The following SEMA4D variants were observed in gnomAD, a reference collection of about 807,000 sequenced individuals.
SEMA4D encodes the protein semaphorin-4D.
Under a neutral mutation model 74.8 loss-of-function variants are expected in SEMA4D, and 22 were observed. That is an observed-to-expected ratio of 0.29 (90% CI 0.21 to 0.42). The LOEUF is 0.42. SEMA4D is among the 10% of genes least tolerant of loss of function. SEMA4D has a pLI of 1.00. For missense variants in SEMA4D, 937 were observed against 1,118.4 expected (o/e 0.84, Z 2.31); for synonymous variants, 445 against 463.7 (o/e 0.96, Z 0.52).
intron 1 of SEMA4D, among the ~76,000 whole-genome samples, chr9:89,494,658 T>C (rs1223618312): frequency 6.6e-6 from 1 of 152,166 alleles, no homozygotes; most frequent in Non-Finnish European, 1.5e-5. Flanking sequence ...CCGATTATTA[T>C]TAACTTTTCA....
At chr9:89,370,159 G>A (rs997746595) in intron 16 of SEMA4D, among the ~76,000 whole-genome samples, 2 of 151,352 alleles carry the variant, frequency 1.3e-5, no homozygotes, top group Non-Finnish European at 1.5e-5. Flanking sequence ...CAGTGAGTAT[G>A]CATGGTCTGT....
intron 2 of SEMA4D, among the ~76,000 whole-genome samples, chr9:89,446,720 G>C (rs555171210): frequency 6.6e-6 from 1 of 152,310 alleles, no homozygotes; most frequent in Admixed American, 6.5e-5. Context: ...TCTAAAACAA[G>C]GCAGCAGCAG....
At chr9:89,447,958 T>C (rs1418920536) in intron 2 of SEMA4D, among the ~76,000 whole-genome samples, 2 of 152,232 alleles carry the variant, frequency 1.3e-5, no homozygotes, top group East Asian at 3.8e-4. Context: ...CATCTCCTTC[T>C]CTGCTTTATG....
intron 2 of SEMA4D, among the ~76,000 whole-genome samples, chr9:89,432,754 G>A (rs1411485613): frequency 6.6e-6 from 1 of 152,144 alleles, no homozygotes; most frequent in African/African-American, 2.4e-5. Context: ...AGGATGTGGA[G>A]AAGCTGGAAC....
At chr9:89,391,589 G>A (rs1376371158) in intron 8 of SEMA4D, among the ~76,000 whole-genome samples, 174 bp from the exon 9 acceptor site, 1 of 152,146 alleles carries the variant, frequency 6.6e-6, no homozygotes, top group South Asian at 2.1e-4. Flanking sequence ...TGAGGATGAT[G>A]ACAGCCCTGA....
chr9:89,461,996 T>C (rs543866890), intron 1 of SEMA4D, among the ~76,000 whole-genome samples: 5 of 152,316 alleles, frequency 3.3e-5, no homozygotes, highest in African/African-American at 1.2e-4. Flanking sequence ...ACACTGTGCC[T>C]GGCCTGATGT....
chr9:89,435,085 C>T (rs1850107572), intron 2 of SEMA4D, among the ~76,000 whole-genome samples: 1 of 152,172 alleles, frequency 6.6e-6, no homozygotes, highest in Admixed American at 6.5e-5. Context: ...CAGAGTCTAC[C>T]TGGGCATGGG....
In SEMA4D at chr9:89,428,463, C is replaced by T. The variant is rs1848564088; in HGVS notation, c.-243-22764G>A. ...GCGGCAGCAGAGGGGAGGCACACAT[C>T]CTCCATTGCAGCCAGCGTGGATCTC... is the stretch of plus-strand genomic sequence containing the variant. On this transcript the variant is annotated intron_variant, in intron 2 of 15. Coordinates refer to ENST00000422704, the MANE Select transcript of SEMA4D (RefSeq NM_001371194.2). Among the ~76,000 whole-genome samples, 4 of 152,264 alleles carry T rather than the reference C, an allele frequency of 2.6e-5. No homozygotes were observed. The South Asian group carries it at 8.3e-4, about 31-fold the overall frequency.
chr9:89,375,948 C>G (rs566903877), downstream of SEMA4D, among the ~76,000 whole-genome samples: 7 of 152,278 alleles, frequency 4.6e-5, no homozygotes, highest in African/African-American at 1.7e-4. Flanking sequence ...ACTGTAACCT[C>G]AAACTCCTGG....
At chr9:89,383,952 T>C (rs1383713759) in intron 13 of SEMA4D, among the ~76,000 whole-genome samples, 1 of 152,034 alleles carries the variant, frequency 6.6e-6, no homozygotes, top group Admixed American at 6.6e-5. Flanking sequence ...TCTGCTGCTG[T>C]GTGTGCGCGT....
chr9:89,425,154 C>A (rs776082313), intron 2 of SEMA4D, among the ~76,000 whole-genome samples: 2 of 152,164 alleles, frequency 1.3e-5, no homozygotes, highest in African/African-American at 4.8e-5. Flanking sequence ...CAGCCAGGAC[C>A]GAGAACTGGC....
At chr9:89,369,067 G>C (rs1022990274) in intron 16 of SEMA4D, 1 of 152,284 alleles carries the variant, frequency 6.6e-6, no homozygotes, top group African/African-American at 2.4e-5. Flanking sequence ...CAGAGCACAG[G>C]GAGTTGATAG....
At chr9:89,473,978 C>T (rs2136028053) in intron 1 of SEMA4D, among the ~76,000 whole-genome samples, 1 of 152,340 alleles carries the variant, frequency 6.6e-6, no homozygotes, top group Middle Eastern at 3.4e-3. Flanking sequence ...TTTCTCAGGT[C>T]CTCCCCAGGC....
chr9:89,442,996 G>C (rs1444165146), intron 2 of SEMA4D, among the ~76,000 whole-genome samples: 1 of 152,180 alleles, frequency 6.6e-6, no homozygotes. Flanking sequence ...TGCCCACCAG[G>C]ACCGTGCTCA....
chr9:89,413,027 G>A (rs756720019), intron 2 of SEMA4D, among the ~76,000 whole-genome samples: 5 of 152,158 alleles, frequency 3.3e-5, no homozygotes, highest in African/African-American at 1.2e-4. Context: ...GGAGAAAAAG[G>A]CCATTTTGCT....
At chr9:89,385,001 GCGGGT>G (rs1025126274) in intron 13 of SEMA4D, 1 of 985,292 alleles carries the variant, frequency 1.0e-6, no homozygotes, top group African/African-American at 1.7e-5. Flanking sequence ...ACAGAGACAG[GCGGGT>G]CGGGTGGTCC....
intron 3 of SEMA4D, 108 bp downstream of exon 3, chr9:89,405,242 AT>A: frequency 1.1e-6 from 1 of 890,860 alleles, no homozygotes; most frequent in East Asian, 2.7e-5. Flanking sequence ...CCGCCTCAGC[AT>A]TCCAGGAAGT....
chr9:89,450,037 G>A, intron 2 of SEMA4D: 2 of 1,412,492 alleles, frequency 1.4e-6, no homozygotes, highest in South Asian at 1.2e-5. Context: ...GTCACACCTG[G>A]AAATCAGAAC....
At chr9:89,374,475 C>T (rs768304616), downstream of SEMA4D, among the ~76,000 whole-genome samples, 2 of 152,232 alleles carry the variant, frequency 1.3e-5, no homozygotes, top group Admixed American at 1.3e-4. Flanking sequence ...CGGCCACAGC[C>T]TCGGTGGCAC....
Sources: allele counts gnomAD v4.1 joint callset (sites outside exome capture counted in the v4.1 genomes callset), GRCh38; gene constraint gnomAD v4.1.1; transcripts MANE v1.5; gene names NCBI Gene and HGNC (gene_info 2026-07-23, HGNC 2026-07-21).